The following GRID2 variants were observed in gnomAD, a reference collection of about 807,000 sequenced individuals.
GRID2 encodes glutamate ionotropic receptor delta type subunit 2.
In GRID2, 33 loss-of-function variants were observed where a neutral mutation model predicts 114.8. That is an observed-to-expected ratio of 0.29 (90% CI 0.22 to 0.38). The LOEUF is 0.38. Ranked by LOEUF, GRID2 falls within the 10% of genes least tolerant of loss-of-function variation. The pLI is 1.00. For missense variants in GRID2, 1,184 were observed against 1,257.7 expected (o/e 0.94, Z 0.89); for synonymous variants, 505 against 449.9 (o/e 1.12, Z -1.55).
intron 14 of GRID2, among the ~76,000 whole-genome samples, chr4:93,762,100 T>C (rs1181337420): frequency 6.6e-6 from 1 of 152,188 alleles, no homozygotes; most frequent in Non-Finnish European, 1.5e-5. Flanking sequence ...CTGCATGCTA[T>C]TATTAATACT....
chr4:93,476,040 TA>T (rs977507849), intron 11 of GRID2, among the ~76,000 whole-genome samples: 3 of 151,764 alleles, frequency 2.0e-5, no homozygotes, highest in East Asian at 1.9e-4. Context: ...ATCAGTAGGT[TA>T]AAAAAAAGTA....
At chr4:92,305,781 A>T (rs951587116) in intron 1 of GRID2, among the ~76,000 whole-genome samples, 20 of 152,132 alleles carry the variant, frequency 1.3e-4, no homozygotes, top group African/African-American at 4.8e-4. Context: ...AATCCGTGAG[A>T]GCTGAGCGGG....
chr4:92,524,392 C>A (rs1724934446), intron 1 of GRID2, among the ~76,000 whole-genome samples: 1 of 139,984 alleles, frequency 7.1e-6, no homozygotes, highest in Admixed American at 7.3e-5. Flanking sequence ...TCTTTCTGCT[C>A]TAGGATTTCC....
intron 14 of GRID2, among the ~76,000 whole-genome samples, chr4:93,727,834 C>A (rs1383329551): frequency 6.6e-6 from 1 of 151,984 alleles, no homozygotes; most frequent in South Asian, 2.1e-4. Flanking sequence ...TGATGATATC[C>A]CCTTTATCAT....
intron 8 of GRID2, among the ~76,000 whole-genome samples, chr4:93,390,013 T>TC (rs1764700427): frequency 6.6e-6 from 1 of 152,188 alleles, no homozygotes; most frequent in African/African-American, 2.4e-5. Context: ...GGTCTTGAAC[T>TC]CCTGACCTTA....
intron 13 of GRID2, among the ~76,000 whole-genome samples, chr4:93,588,324 T>A (rs887276957): frequency 6.6e-6 from 1 of 152,056 alleles, no homozygotes; most frequent in African/African-American, 2.4e-5. Context: ...GAATAATAGG[T>A]TTTTTATACA....
rs531480702 is a variant in GRID2 at position 93,771,015 on chromosome 4, T to C, written c.2602-1061T>C. 7.2e-5 allele frequency among the ~76,000 whole-genome samples: 11 copies of C among 152,200 alleles called. 1 individual carries two copies. In the South Asian group the frequency reaches 1.9e-3, roughly 26 times the overall value. ...ACTGAGGAACACTATAATAGCACAA[T>C]GAAAAAAATACATGCTCCATTCTAA... On this transcript the variant is annotated intron_variant, in intron 15 of 15. Coordinates refer to ENST00000282020, the MANE Select transcript of GRID2 (RefSeq NM_001510.4).
intron 1 of GRID2, among the ~76,000 whole-genome samples, chr4:92,438,862 C>T (rs1399206665): frequency 6.6e-6 from 1 of 152,172 alleles, no homozygotes; most frequent in Non-Finnish European, 1.5e-5. Flanking sequence ...TCCCATGAAA[C>T]AATATCAACA....
At chr4:93,258,001 C>T (rs201436606) in intron 8 of GRID2, among the ~76,000 whole-genome samples, 192 of 14,032 alleles carry the variant, frequency 0.014, no homozygotes, top group Non-Finnish European at 0.017. Context: ...TATATATATA[C>T]ACACACACAC....
intron 2 of GRID2, among the ~76,000 whole-genome samples, chr4:92,974,382 G>A (rs1434275417): frequency 1.3e-5 from 2 of 152,024 alleles, no homozygotes; most frequent in African/African-American, 2.4e-5. Flanking sequence ...AAAGACACAT[G>A]TACATGTATC....
At chr4:93,353,381 C>T (rs985494420) in intron 8 of GRID2, among the ~76,000 whole-genome samples, 1 of 151,922 alleles carries the variant, frequency 6.6e-6, no homozygotes, top group Admixed American at 6.6e-5. Flanking sequence ...GAATCAGAAA[C>T]AGCTAGATGT....
chr4:92,926,045 G>A (rs1414576974), intron 2 of GRID2, among the ~76,000 whole-genome samples: 2 of 151,950 alleles, frequency 1.3e-5, no homozygotes, highest in South Asian at 2.1e-4. Context: ...GTCTGAGACT[G>A]TATGTTTTAT....
chr4:92,854,315 C>T (rs1272948586), intron 2 of GRID2, among the ~76,000 whole-genome samples: 1 of 152,006 alleles, frequency 6.6e-6, no homozygotes, highest in Non-Finnish European at 1.5e-5. Flanking sequence ...TACTTTCTTA[C>T]ATTTAGGAGA....
At chr4:92,423,105 G>A (rs1011878298) in intron 1 of GRID2, among the ~76,000 whole-genome samples, 2 of 152,082 alleles carry the variant, frequency 1.3e-5, no homozygotes, top group Admixed American at 6.6e-5. Context: ...ATTCTAGCGA[G>A]CCAACGCGAG....
chr4:93,137,966 G>GTTTTTTTTTTTTTTTT lies in GRID2; in HGVS notation c.735+27022_735+27037dup, dbSNP rs753814961. On this transcript the variant is annotated intron_variant, in intron 4 of 15. Transcript: ENST00000282020. The stretch of plus-strand genomic sequence containing the variant: ...AAAGTCTAGCAAGAATTTTTTCTTC[G>GTTTTTTTTTTTTTTTT]TTTTTTTTTTTTTTTTTTTTTTTTG... 7.7e-5 allele frequency among the ~76,000 whole-genome samples: 6 copies of GTTTTTTTTTTTTTTTT among 78,380 alleles called. 1 individual carries two copies. The highest frequency in any genetic ancestry group is 2.1e-4 in the Admixed American group (1 of 4,792). 51.4% of individuals were successfully genotyped at this position (78,380 alleles called of 152,430 possible).
At chr4:93,097,116 G>C (rs766985612) in intron 3 of GRID2, among the ~76,000 whole-genome samples, 2 of 151,942 alleles carry the variant, frequency 1.3e-5, no homozygotes, top group Admixed American at 6.6e-5. Flanking sequence ...TCAGACAGTG[G>C]TCACATCTAT....
intron 14 of GRID2, among the ~76,000 whole-genome samples, chr4:93,631,038 ACAT>A (rs1319338372): frequency 1.3e-5 from 2 of 152,176 alleles, no homozygotes; most frequent in Non-Finnish European, 2.9e-5. Flanking sequence ...AGAAACTGAG[ACAT>A]CATGAAGTAA....
chr4:92,755,846 A>G (rs1236603846), intron 2 of GRID2, among the ~76,000 whole-genome samples: 1 of 152,164 alleles, frequency 6.6e-6, no homozygotes, highest in East Asian at 1.9e-4. Flanking sequence ...TTATTGATAC[A>G]TAAAATTTGT....
At chr4:93,309,782 T>A (rs981100707) in intron 8 of GRID2, among the ~76,000 whole-genome samples, 6 of 151,888 alleles carry the variant, frequency 4.0e-5, no homozygotes, top group African/African-American at 1.5e-4. Flanking sequence ...CAATAAACAA[T>A]CTCCTTGACA....
Sources: gnomAD v4.1 joint callset for allele counts (sites outside exome capture counted in the v4.1 genomes callset) on GRCh38, gnomAD v4.1.1 for gene constraint, MANE v1.5 for transcripts, NCBI Gene and HGNC (gene_info 2026-07-23, HGNC 2026-07-21) for gene names.